The following DAB1 variants were observed in gnomAD, a reference collection of about 807,000 sequenced individuals.
The protein encoded by DAB1 is DAB adaptor protein 1, also known as disabled homolog 1.
In DAB1, 15 loss-of-function variants were observed where a neutral mutation model predicts 64.6. That is an observed-to-expected ratio of 0.23 (90% CI 0.16 to 0.36). The LOEUF (loss-of-function observed/expected upper bound fraction) is 0.36, where lower values mean the gene tolerates loss of function less well. Among genes scored for constraint, DAB1 ranks in the 10% least tolerant of loss-of-function variants. The pLI, the probability that DAB1 is intolerant of heterozygous loss-of-function variation, is 1.00. For synonymous variants in DAB1, 235 were observed against 251.9 expected, an observed-to-expected ratio of 0.93 and a Z score of 0.64; for missense variants, 596 against 706.7, an observed-to-expected ratio of 0.84 and a Z score of 1.78.
chr1:57,952,094 G>A (rs1465697056), intron 5 of DAB1, among the ~76,000 whole-genome samples: 2 of 152,020 alleles, frequency 1.3e-5, no homozygotes, highest in Non-Finnish European at 2.9e-5. Context: ...GCTCAGATGT[G>A]GCTACCTGCT....
chr1:58,237,921 G>A (rs1361015997), intron 4 of DAB1, among the ~76,000 whole-genome samples: 1 of 152,152 alleles, frequency 6.6e-6, no homozygotes, highest in African/African-American at 2.4e-5. Flanking sequence ...TTTACTATGT[G>A]TTCTTTGGTA....
intron 4 of DAB1, among the ~76,000 whole-genome samples, chr1:58,254,854 C>T (rs1215802139): frequency 1.2e-5 from 1 of 83,212 alleles, no homozygotes. Flanking sequence ...AATAAACATA[C>T]GTCTTTATAG....
rs72922515 is a variant in DAB1 at position 57,963,438 on chromosome 1, G to C, written n.388-79276C>G. ...TAGATCATTGCATTTACCAATCACG[G>C]TGCACCGTTATTCTCTCTCCATCTG... is the stretch of plus-strand genomic sequence containing the variant. On this transcript the variant is annotated intron_variant and non_coding_transcript_variant, in intron 5 of 20. Coordinates refer to the DAB1 transcript ENST00000485760. 8.9e-3 allele frequency among the ~76,000 whole-genome samples: 1,350 copies of C among 152,228 alleles called. 21 individuals carry two copies. The highest frequency in any genetic ancestry group is 0.03 in the African/African-American group (1,244 of 41,538).
At chr1:58,473,545 AAAATAAATAAATAAATAAAT>A (rs56211911) in intron 3 of DAB1, among the ~76,000 whole-genome samples, 11 of 122,564 alleles carry the variant, frequency 9.0e-5, no homozygotes, top group Admixed American at 5.6e-4. Context: ...CCGTCTCAAA[AAAATAAATAAATAAATAAAT>A]AAATAAATAA....
intron 7 of DAB1, among the ~76,000 whole-genome samples, chr1:57,554,327 A>C (rs756865824): frequency 2.7e-4 from 41 of 152,326 alleles, no homozygotes; most frequent in Admixed American, 7.8e-4. Context: ...TAAGCTGCGA[A>C]AGTCGCTTGA....
intron 1 of DAB1, among the ~76,000 whole-genome samples, chr1:57,403,026 T>A (rs953077422): frequency 9.9e-5 from 15 of 152,204 alleles, no homozygotes; most frequent in African/African-American, 3.6e-4. Flanking sequence ...TCAACTGTTA[T>A]AAACCTGCAT....
intron 7 of DAB1, among the ~76,000 whole-genome samples, chr1:57,589,901 A>G (rs1645423701): frequency 6.6e-6 from 1 of 152,202 alleles, no homozygotes; most frequent in South Asian, 2.1e-4. Context: ...TAAAAACCTT[A>G]TAGTAAGCAG....
At chr1:57,857,067 GT>G (rs2101935699) in intron 1 of DAB1, among the ~76,000 whole-genome samples, 1 of 152,294 alleles carries the variant, frequency 6.6e-6, no homozygotes, top group South Asian at 2.1e-4. Flanking sequence ...CACTAGTGGT[GT>G]CTCTCAGAAA....
chr1:58,247,958 T>A (rs1204728778), intron 4 of DAB1, among the ~76,000 whole-genome samples: 1 of 152,056 alleles, frequency 6.6e-6, no homozygotes, highest in African/African-American at 2.4e-5. Flanking sequence ...CTCCCTATAT[T>A]CTCACCCTGC....
At chr1:57,064,281 A>T (rs185133059) in intron 8 of DAB1, among the ~76,000 whole-genome samples, 1 of 152,356 alleles carries the variant, frequency 6.6e-6, no homozygotes, top group Admixed American at 6.5e-5. Flanking sequence ...AGTGACGCTC[A>T]GAGATGTTAG....
At chr1:57,581,502 C>G (rs1645311350) in intron 7 of DAB1, among the ~76,000 whole-genome samples, 1 of 152,036 alleles carries the variant, frequency 6.6e-6, no homozygotes, top group African/African-American at 2.4e-5. Flanking sequence ...TACTTGCGAG[C>G]TGAGTGACCG....
At chr1:58,009,382 G>T (rs1420626190) in intron 5 of DAB1, among the ~76,000 whole-genome samples, 2 of 152,132 alleles carry the variant, frequency 1.3e-5, no homozygotes, top group Non-Finnish European at 2.9e-5. Context: ...CTTCATTTTT[G>T]CTGTATGCTA....
chr1:58,002,582 T>A (rs1253769311), intron 5 of DAB1, among the ~76,000 whole-genome samples: 1 of 152,098 alleles, frequency 6.6e-6, no homozygotes, highest in Non-Finnish European at 1.5e-5. Flanking sequence ...CACTTCTGAG[T>A]CATTTTCTAT....
intron 7 of DAB1, among the ~76,000 whole-genome samples, chr1:57,582,284 A>G (rs1645323029): frequency 6.6e-6 from 1 of 152,228 alleles, no homozygotes; most frequent in African/African-American, 2.4e-5. Context: ...AGCAAGGCAC[A>G]TCTTACAGAG....
chr1:57,191,756 T>G (rs1168227090), intron 2 of DAB1, among the ~76,000 whole-genome samples: 1 of 152,140 alleles, frequency 6.6e-6, no homozygotes, highest in African/African-American at 2.4e-5. Flanking sequence ...TCTGGACCAC[T>G]GACTGGTATG....
chr1:57,360,869 T>C (rs1211198121), intron 1 of DAB1, among the ~76,000 whole-genome samples: 1 of 152,152 alleles, frequency 6.6e-6, no homozygotes, highest in Non-Finnish European at 1.5e-5. Context: ...CAAGTCTCAT[T>C]TTTTCTGGAG....
intron 7 of DAB1, among the ~76,000 whole-genome samples, chr1:57,590,594 G>A (rs557301250): frequency 9.9e-5 from 15 of 152,128 alleles, no homozygotes; most frequent in Non-Finnish European, 1.8e-4. Context: ...GCCTCCCAAA[G>A]TGCTAGGATT....
intron 5 of DAB1, among the ~76,000 whole-genome samples, chr1:58,132,769 G>A (rs1054964843): frequency 1.3e-5 from 2 of 152,164 alleles, no homozygotes; most frequent in African/African-American, 2.4e-5. Context: ...AGGCTCAGAC[G>A]TAGACTCCTG....
rs536547912 is a variant in DAB1, at chr1:58,454,827, G to A, written n.257+51233C>T. On this transcript the variant is annotated intron_variant and non_coding_transcript_variant, in intron 3 of 20. Coordinates refer to the DAB1 transcript ENST00000485760. The stretch of plus-strand genomic sequence containing the variant: ...TCTCCTTTCTCAGGAAAGAAAATAC[G>A]TGGTCACACCCTCTTCCTACCTTTG... Among the ~76,000 whole-genome samples, 17 of 152,284 alleles carry A rather than the reference G, an allele frequency of 1.1e-4. No homozygotes were observed. In the South Asian group the frequency reaches 3.3e-3, roughly 30 times the overall value.
Sources: allele counts gnomAD v4.1 joint callset (sites outside exome capture counted in the v4.1 genomes callset), GRCh38; gene constraint gnomAD v4.1.1; transcripts MANE v1.5; gene names NCBI Gene and HGNC (gene_info 2026-07-23, HGNC 2026-07-21).